SOCS2: variants seen among roughly 807,000 people sequenced by gnomAD.
SOCS2 encodes the protein CIS-2.
In SOCS2, 10 loss-of-function variants were observed where a neutral mutation model predicts 18.6. The observed-to-expected ratio is 0.54, with a 90% CI of 0.33 to 0.91. The LOEUF is 0.91. Ranked by LOEUF, SOCS2 falls within the 40% of genes least tolerant of loss-of-function variation. The pLI is 0.02. For missense variants in SOCS2, 231 were observed against 247.2 expected (o/e 0.93, Z 0.44); for synonymous variants, 104 against 104.0 (o/e 1.00, Z 0.00).
the SOCS2 span, among the ~76,000 whole-genome samples, chr12:93,593,832 A>G: frequency 6.6e-6 from 1 of 152,226 alleles, no homozygotes; most frequent in East Asian, 1.9e-4. Context: ...CTAAAATAAA[A>G]TAAAATAAAT....
At chr12:93,587,050 C>T (rs895846053), downstream of SOCS2, among the ~76,000 whole-genome samples, 2 of 152,216 alleles carry the variant, frequency 1.3e-5, no homozygotes, top group African/African-American at 4.8e-5. Flanking sequence ...TGCCTGTAGT[C>T]TCAGCTACTC....
chr12:93,608,941 C>T, the SOCS2 span, among the ~76,000 whole-genome samples: 5 of 152,274 alleles, frequency 3.3e-5, no homozygotes, highest in African/African-American at 9.6e-5. Flanking sequence ...TACCTACTTT[C>T]CAGGGGTAAG....
intron 1 of SOCS2, chr12:93,573,760 G>A (rs1026179265): frequency 2.6e-5 from 4 of 152,210 alleles, no homozygotes; most frequent in Non-Finnish European, 5.9e-5. Flanking sequence ...GAGGGAGAGG[G>A]AAAAGTTCTC....
chr12:93,624,876 T>G, the SOCS2 span, among the ~76,000 whole-genome samples: 1 of 152,210 alleles, frequency 6.6e-6, no homozygotes, highest in South Asian at 2.1e-4. Context: ...AACAAGAGGT[T>G]TCTTTGTGGA....
chr12:93,574,642 C>T (rs1954401409), intron 1 of SOCS2, 80 bp from the exon 2 acceptor site: 8 of 963,626 alleles, frequency 8.3e-6, no homozygotes, highest in East Asian at 2.8e-5. Context: ...AAATTATTGC[C>T]AATTACTTGC....
At chr12:93,586,708 A>G (rs941069849), downstream of SOCS2, among the ~76,000 whole-genome samples, 17 of 152,110 alleles carry the variant, frequency 1.1e-4, no homozygotes, top group African/African-American at 3.9e-4. Flanking sequence ...TTCTACTCTA[A>G]CCCAGATTGA....
chr12:93,620,840 T>C, the SOCS2 span, among the ~76,000 whole-genome samples: 3 of 152,250 alleles, frequency 2.0e-5, no homozygotes, highest in Non-Finnish European at 2.9e-5. Context: ...TTTGACACTC[T>C]ATTTTGTAAT....
chr12:93,602,795 C>G, the SOCS2 span, among the ~76,000 whole-genome samples: 1 of 152,192 alleles, frequency 6.6e-6, no homozygotes, highest in African/African-American at 2.4e-5. Flanking sequence ...CTGTAATCCA[C>G]TAAGATACTC....
intron 1 of SOCS2, chr12:93,583,001 T>TA (rs1491188302): frequency 3.3e-5 from 3 of 90,048 alleles, no homozygotes; most frequent in African/African-American, 7.7e-5. Context: ...CTGGGTTTTG[T>TA]TTTTTTTTTT....
chr12:93,605,417 G>A, the SOCS2 span, among the ~76,000 whole-genome samples: 2 of 152,282 alleles, frequency 1.3e-5, no homozygotes, highest in African/African-American at 4.8e-5. Flanking sequence ...CAGAAATTGG[G>A]TGGATGAGGC....
chr12:93,614,584 TTTC>T, the SOCS2 span, among the ~76,000 whole-genome samples: 1 of 98,494 alleles, frequency 1.0e-5, no homozygotes, highest in Non-Finnish European at 1.9e-5. Flanking sequence ...TCTTTCTTTC[TTTC>T]TTTCTTTCTT....
At chr12:93,618,871 G>A in the SOCS2 span, among the ~76,000 whole-genome samples, 30 of 152,294 alleles carry the variant, frequency 2.0e-4, no homozygotes, top group Non-Finnish European at 2.4e-4. Context: ...CCAGCAAGGC[G>A]TCTCACTATG....
chr12:93,572,758 T>G lies in SOCS2; in HGVS notation c.-140T>G, dbSNP rs1225119698. ...CAGGATCTGGGGAGAAAGAGCCCCA[T>G]CCCTTCTCTCTCTGCCACCATTTCG... On this transcript the variant is annotated 5_prime_UTR_variant, in exon 1 of 2. Transcript: ENST00000551556. This position sits in a 1 kb window ranked among gnomAD's most constrained non-coding sequence, Gnocchi z 5.0. 3 of 1,068,042 alleles carry G rather than the reference T, an allele frequency of 2.8e-6. No homozygotes were observed. The highest frequency in any genetic ancestry group is 4.0e-5 in the Admixed American group (2 of 50,402). The allele number at this position is 1,068,042 out of a possible 1,614,324, so 66.2% of individuals were successfully genotyped here.
At chr12:93,613,453 G>C in the SOCS2 span, among the ~76,000 whole-genome samples, 1 of 151,696 alleles carries the variant, frequency 6.6e-6, no homozygotes, top group African/African-American at 2.4e-5. Context: ...CAAAAAAACA[G>C]ATTCAAGCTA....
intron 1 of SOCS2, 46 bp downstream of exon 1, chr12:93,573,082 C>G: frequency 6.5e-7 from 1 of 1,542,920 alleles, no homozygotes; most frequent in South Asian, 1.2e-5. Context: ...GAGCGCCTCC[C>G]CAAGGAAGCA....
chr12:93,612,313 A>G, the SOCS2 span, among the ~76,000 whole-genome samples: 5 of 151,458 alleles, frequency 3.3e-5, no homozygotes, highest in African/African-American at 9.7e-5. Flanking sequence ...GTACTTTTCC[A>G]TGGTATCATG....
upstream of SOCS2, chr12:93,572,583 G>C: frequency 1.7e-6 from 1 of 579,270 alleles, no homozygotes; most frequent in Non-Finnish European, 3.2e-6. This position sits in a 1 kb window ranked among gnomAD's most constrained non-coding sequence, Gnocchi z 5.0. Flanking sequence ...GGAACGTAGA[G>C]GCGGAGGAGT....
Position 93,575,624 on chromosome 12 carries a change from T to C in SOCS2, c.*445T>C, listed in dbSNP as rs1954442992. The stretch of plus-strand genomic sequence containing the variant: ...TGATATGCCTGCTGATCAGAGTCTC[T>C]TGGGCATTTTATATTTTGCATTCTG... On this transcript the variant is annotated 3_prime_UTR_variant, in exon 2 of 2. Coordinates refer to ENST00000551556, the MANE Select transcript of SOCS2 (RefSeq NM_001270471.2). 6.5e-6 allele frequency: 1 copy of C among 153,642 alleles called. No homozygotes were observed. The highest frequency in any genetic ancestry group is 6.5e-5 in the Admixed American group (1 of 15,416). The allele number at this position is 153,642 out of a possible 1,614,324, so 9.5% of individuals were successfully genotyped here.
chr12:93,614,362 C>CTTTCTTTCTTTCTTTCTTTCT, the SOCS2 span, among the ~76,000 whole-genome samples: 9 of 79,424 alleles, frequency 1.1e-4, no homozygotes, highest in African/African-American at 4.4e-4. Flanking sequence ...AGCAATTTTC[C>CTTTCTTTCTTTCTTTCTTTCT]TTCTTTCTTT....
Sources: allele counts gnomAD v4.1 joint callset (sites outside exome capture counted in the v4.1 genomes callset), GRCh38; gene constraint gnomAD v4.1.1; non-coding constraint Gnocchi (gnomAD v3.1); transcripts MANE v1.5; gene names NCBI Gene and HGNC (gene_info 2026-07-23, HGNC 2026-07-21).